Variants in OTUD7A observed in about 807,000 individuals in gnomAD.
OTUD7A encodes the protein OTU deubiquitinase 7A.
OTUD7A carries 12 observed loss-of-function variants against 65.7 expected under a neutral mutation model. The observed-to-expected ratio is 0.18, with a 90% CI of 0.12 to 0.30. The LOEUF (loss-of-function observed/expected upper bound fraction) is 0.30. Ranked by LOEUF, OTUD7A falls within the 10% of genes least tolerant of loss-of-function variation. OTUD7A has a pLI of 1.00. For missense variants in OTUD7A, 1,148 were observed against 1,304.8 expected, an observed-to-expected ratio of 0.88 and a Z score of 1.85; for synonymous variants, 641 against 586.3, an observed-to-expected ratio of 1.09 and a Z score of -1.35.
intron 4 of OTUD7A, among the ~76,000 whole-genome samples, chr15:31,559,535 T>C (rs534103762): frequency 1.6e-4 from 25 of 152,126 alleles, no homozygotes; most frequent in African/African-American, 5.3e-4. Context: ...TACGAAAGCA[T>C]ACACAGGATC....
intron 4 of OTUD7A, among the ~76,000 whole-genome samples, chr15:31,560,153 G>A (rs1888643439): frequency 6.6e-6 from 1 of 152,230 alleles, no homozygotes; most frequent in Non-Finnish European, 1.5e-5. Context: ...ATGCATTTAT[G>A]CACTTAATGC....
chr15:31,800,994 AAAC>A lies in OTUD7A; in HGVS notation c.-100+69510_-100+69512del, dbSNP rs567772677. On this transcript the variant is annotated intron_variant, in intron 1 of 12. Coordinates refer to ENST00000307050, the MANE Select transcript of OTUD7A (RefSeq NM_001382637.1). ...GCCAGAAACAAACAAACAAAGCAGG[AAAC>A]AACAACCTACAGAAAATACACACGC... 4.6e-4 allele frequency among the ~76,000 whole-genome samples: 70 copies of A among 151,922 alleles called. 2 individuals carry two copies. The South Asian group carries it at 0.014, about 31-fold the overall frequency.
At chr15:31,518,812 G>A (rs1366036472) in intron 8 of OTUD7A, among the ~76,000 whole-genome samples, 2 of 152,254 alleles carry the variant, frequency 1.3e-5, no homozygotes, top group East Asian at 3.8e-4. Context: ...CCTATGTCCT[G>A]CTGTGGGCCT....
chr15:31,854,002 T>C (rs1897497163), intron 1 of OTUD7A, among the ~76,000 whole-genome samples: 1 of 152,234 alleles, frequency 6.6e-6, no homozygotes, highest in Non-Finnish European at 1.5e-5. Context: ...ATTTTTTCTA[T>C]TAGTTTTTTA....
chr15:31,631,558 T>C (rs917452449), intron 3 of OTUD7A, among the ~76,000 whole-genome samples: 2 of 152,184 alleles, frequency 1.3e-5, no homozygotes, highest in Non-Finnish European at 2.9e-5. Context: ...AATCTGATAA[T>C]TATGTGTCTT....
chr15:31,573,206 T>A (rs1159190936), intron 3 of OTUD7A, among the ~76,000 whole-genome samples: 1 of 152,316 alleles, frequency 6.6e-6, no homozygotes, highest in Admixed American at 6.5e-5. Flanking sequence ...GGGCCACATC[T>A]ACAAGATACT....
At chr15:31,858,203 A>G (rs1206131745) in intron 1 of OTUD7A, among the ~76,000 whole-genome samples, 2 of 152,198 alleles carry the variant, frequency 1.3e-5, no homozygotes, top group Admixed American at 6.5e-5. Context: ...GAGAGAGCCT[A>G]TAAGACAGGT....
intron 1 of OTUD7A, among the ~76,000 whole-genome samples, chr15:31,662,430 T>G (rs1892192385): frequency 6.6e-6 from 1 of 152,234 alleles, no homozygotes; most frequent in African/African-American, 2.4e-5. Flanking sequence ...TTAAACATAT[T>G]TTATGCATTT....
chr15:31,483,378 C>G lies in OTUD7A; in HGVS notation c.2718G>C (p.Gly906=), dbSNP rs758258900. ...AGCAGTAGTGCTCGGTCTCGGCGCG[C>G]CCGTAGAACGCACAGTTCTCGCGCT... The part of the protein sequence containing the change: ...RCQRENCAFY[G]RAETEHYCSY... Residue 906 remains glycine (G), a synonymous_variant, in exon 13 of 13, where the codon GGG becomes GGC. Transcript: ENST00000307050. The G allele has an allele frequency of 1.2e-4, 162 of 1,316,916 alleles. No homozygotes were observed. Among genetic ancestry groups the G allele is most frequent in the Middle Eastern group, 5.8e-4 (2 of 3,458 alleles). The allele number at this position is 1,316,916 out of a possible 1,614,324, so 81.6% of individuals were successfully genotyped here. A position where few individuals can be genotyped will look rare whatever the true frequency, so the allele number is the denominator to read the frequency against.
At chr15:31,597,832 C>T (rs1271165654) in intron 3 of OTUD7A, among the ~76,000 whole-genome samples, 6 of 152,168 alleles carry the variant, frequency 3.9e-5, no homozygotes, top group African/African-American at 1.4e-4. Context: ...AAGCAGTGGG[C>T]AAGGCAAGGG....
chr15:31,812,414 C>T (rs1431100674), intron 1 of OTUD7A, among the ~76,000 whole-genome samples: 1 of 152,192 alleles, frequency 6.6e-6, no homozygotes, highest in Non-Finnish European at 1.5e-5. Flanking sequence ...TTAAATTACT[C>T]TGCCTCATTT....
At chr15:31,761,769 C>A (rs1228471876) in intron 1 of OTUD7A, among the ~76,000 whole-genome samples, 1 of 152,152 alleles carries the variant, frequency 6.6e-6, no homozygotes, top group African/African-American at 2.4e-5. Flanking sequence ...TATCCATCAA[C>A]TGATTAACAG....
At chr15:31,674,103 T>C (rs1180362165) in intron 1 of OTUD7A, among the ~76,000 whole-genome samples, 1 of 152,136 alleles carries the variant, frequency 6.6e-6, no homozygotes, top group Non-Finnish European at 1.5e-5. Flanking sequence ...CATTGGAATA[T>C]AAGAAAGGAA....
intron 1 of OTUD7A, among the ~76,000 whole-genome samples, chr15:31,716,681 C>T (rs1267189517): frequency 7.3e-6 from 1 of 137,128 alleles, no homozygotes; most frequent in Non-Finnish European, 1.6e-5. Context: ...GGAACCTGGC[C>T]TATCAATTTT....
In OTUD7A at chr15:31,565,685, G is replaced by T. The variant is rs115227734; in HGVS notation, c.331+4333C>A. Among the ~76,000 whole-genome samples the T allele has an allele frequency of 5.8e-3, 879 of 152,224 alleles. 8 individuals carry two copies. The highest frequency in any genetic ancestry group is 0.019 in the African/African-American group (796 of 41,528). ...AACCACTGAGTCAAGTGTAACAGGG[G>T]GGCAGCCACAGGGGTGGGCAGAACA... On this transcript the variant is annotated intron_variant, in intron 4 of 12. Coordinates refer to ENST00000307050, the MANE Select transcript of OTUD7A (RefSeq NM_001382637.1).
intron 3 of OTUD7A, among the ~76,000 whole-genome samples, chr15:31,582,420 C>T (rs1038141662): frequency 3.9e-5 from 6 of 152,198 alleles, no homozygotes. Context: ...CATTCTACCA[C>T]TACCAATTTA....
chr15:31,697,754 G>C (rs778870018), intron 1 of OTUD7A, among the ~76,000 whole-genome samples: 3 of 152,210 alleles, frequency 2.0e-5, no homozygotes, highest in Admixed American at 6.5e-5. Flanking sequence ...TGAGCCCAGA[G>C]GAGTGAGACA....
At chr15:31,528,369 A>G (rs568006452) in intron 6 of OTUD7A, among the ~76,000 whole-genome samples, 2 of 152,190 alleles carry the variant, frequency 1.3e-5, no homozygotes, top group Admixed American at 6.5e-5. Context: ...GGCAAGAGGG[A>G]AAGGTGGCTA....
Position 31,555,554 on chromosome 15 carries a change from TG to T in OTUD7A, c.550+3414del, listed in dbSNP as rs1240140898. Among the ~76,000 whole-genome samples the T allele has an allele frequency of 3.9e-5, 6 of 152,114 alleles. No individual in the cohort carries two copies. The South Asian group carries it at 1.0e-3, about 26-fold the overall frequency. ...GGGCCACGGGAGCAGAGCCTGGCTG[TG>T]GGGTGGAAGGTACAGGAGCTGCCAG... On this transcript the variant is annotated intron_variant, in intron 5 of 12. Coordinates refer to ENST00000307050, the MANE Select transcript of OTUD7A (RefSeq NM_001382637.1).
Sources: allele counts gnomAD v4.1 joint callset (sites outside exome capture counted in the v4.1 genomes callset), GRCh38; gene constraint gnomAD v4.1.1; transcripts MANE v1.5; gene names NCBI Gene and HGNC (gene_info 2026-07-23, HGNC 2026-07-21).